Variants in CRACD observed in about 807,000 individuals in gnomAD.
CRACD encodes capping protein-inhibiting regulator of actin dynamics.
A neutral mutation model predicts 106.8 loss-of-function variants in CRACD; 56 were observed. The observed-to-expected ratio is 0.52, with a 90% CI of 0.42 to 0.66. CRACD has a LOEUF of 0.66. CRACD is among the 30% of genes least tolerant of loss of function. The probability of loss-of-function intolerance (pLI) is 0.00; values close to 1 mark genes in which losing one functional copy is unlikely to be tolerated. For missense variants in CRACD, 1,730 were observed against 1,623.2 expected (o/e 1.07, Z -1.13); for synonymous variants, 754 against 670.8 (o/e 1.12, Z -1.92).
At chr4:56,250,157 T>C (rs7690043) in intron 2 of CRACD, among the ~76,000 whole-genome samples, 43,893 of 152,060 alleles carry the variant, frequency 0.29, 6,936 homozygotes, top group East Asian at 0.63. Flanking sequence ...TTCTCTATAT[T>C]CCACTATTCT....
chr4:56,168,019 G>GGTTTTACTTCTTCCTTTCCAATCT (rs1736214541), intron 1 of CRACD, among the ~76,000 whole-genome samples: 1 of 152,084 alleles, frequency 6.6e-6, no homozygotes, highest in Non-Finnish European at 1.5e-5. Flanking sequence ...GTATAAAGAT[G>GGTTTTACTTCTTCCTTTCCAATCT]GTTTTACTTC....
At chr4:56,309,473 T>C (rs6855930) in intron 5 of CRACD, among the ~76,000 whole-genome samples, 260 of 152,224 alleles carry the variant, frequency 1.7e-3, no homozygotes, top group African/African-American at 5.9e-3. Context: ...TGCCAGCACT[T>C]TGTGAGGCTG....
At chr4:56,082,209 C>A (rs1733057506) in intron 1 of CRACD, among the ~76,000 whole-genome samples, 1 of 152,040 alleles carries the variant, frequency 6.6e-6, no homozygotes, top group Non-Finnish European at 1.5e-5. Flanking sequence ...TAATAAGGAA[C>A]CAACCATGCA....
intron 3 of CRACD, among the ~76,000 whole-genome samples, chr4:56,276,212 C>A (rs746994673): frequency 2.0e-5 from 3 of 152,104 alleles, no homozygotes; most frequent in Non-Finnish European, 2.9e-5. Flanking sequence ...TAATTAAACA[C>A]AACTAATATT....
chr4:56,145,783 A>AT lies in CRACD; in HGVS notation c.-335-33492dup, dbSNP rs534613962. Among the ~76,000 whole-genome samples, 18 of 150,786 alleles carry AT rather than the reference A, an allele frequency of 1.2e-4. No individual in the cohort carries two copies. In the East Asian group the frequency reaches 2.7e-3, roughly 23 times the overall value. ...AAGTGTGTGACTCCACACCCAGCTA[A>AT]TTTTTTTTTGTATTTTTTGTATTTG... On this transcript the variant is annotated intron_variant, in intron 1 of 10. Transcript: ENST00000682029.
intron 1 of CRACD, among the ~76,000 whole-genome samples, chr4:56,143,427 G>T (rs1735273024): frequency 6.6e-6 from 1 of 151,874 alleles, no homozygotes; most frequent in South Asian, 2.1e-4. Flanking sequence ...TTTTTCACAG[G>T]TCTTCTGTCT....
chr4:56,214,677 C>CTA (rs748365524), intron 2 of CRACD, among the ~76,000 whole-genome samples: 1,166 of 68,844 alleles, frequency 0.017, 37 homozygotes, highest in Middle Eastern at 0.026. Context: ...CTCTCTCTCT[C>CTA]TCTCTATATA....
intron 1 of CRACD, among the ~76,000 whole-genome samples, chr4:56,142,188 C>T (rs1166880499): frequency 2.6e-5 from 4 of 152,062 alleles, no homozygotes; most frequent in African/African-American, 9.7e-5. Context: ...TGGGATTATC[C>T]TACATTGATT....
At chr4:56,178,234 A>T (rs1736668637) in intron 1 of CRACD, among the ~76,000 whole-genome samples, 1 of 152,124 alleles carries the variant, frequency 6.6e-6, no homozygotes. Context: ...ATTTCTTTGC[A>T]TTTCCCTTCT....
intron 1 of CRACD, among the ~76,000 whole-genome samples, chr4:56,067,559 G>A (rs533840982): frequency 6.6e-6 from 1 of 152,282 alleles, no homozygotes; most frequent in East Asian, 1.9e-4. Context: ...CACTTCATTT[G>A]CATGACAAGT....
In CRACD at chr4:56,315,917, C is replaced by T. The variant is rs749876727; in HGVS notation, c.2415C>T (p.Tyr805=). The change falls in exon 8 of 11, where the codon TAC becomes TAT. Residue 805 remains tyrosine, a synonymous_variant. Transcript: ENST00000682029. This position sits in a 1 kb window ranked among gnomAD's most constrained non-coding sequence, Gnocchi z 4.1. ...CTTTCCTTGTCCCAAGCCTTCCTTA[C>T]CCTCCGCAGAAAGTGGTGGCCCACA... ...LPSFLVPSLP[Y]PPQKVVAHTE... is the part of the protein sequence containing the mutation. 2.0e-5 allele frequency: 32 copies of T among 1,614,106 alleles called. No homozygotes were observed. The highest frequency in any genetic ancestry group is 1.2e-4 in the African/African-American group (9 of 74,928).
chr4:56,325,954 C>T (rs1409271611), intron 10 of CRACD, among the ~76,000 whole-genome samples: 1 of 152,212 alleles, frequency 6.6e-6, no homozygotes, highest in Non-Finnish European at 1.5e-5. Context: ...CTCTGTTGCC[C>T]ATGCTGGAGT....
At chr4:56,111,434 T>C (rs1734118955) in intron 1 of CRACD, among the ~76,000 whole-genome samples, 1 of 152,194 alleles carries the variant, frequency 6.6e-6, no homozygotes, top group Admixed American at 6.5e-5. Context: ...TTAAACTGTG[T>C]GTTTATACGA....
At chr4:56,182,863 ATGTGTGTGTGTGTGTGTGTGTG>A (rs34291347) in intron 2 of CRACD, among the ~76,000 whole-genome samples, 1 of 144,724 alleles carries the variant, frequency 6.9e-6, no homozygotes, top group Non-Finnish European at 1.5e-5. Flanking sequence ...AAAAAAAGAT[ATGTGTGTGTGTGTGTGTGTGTG>A]TGTGTGTGTG....
At chr4:56,207,661 C>A (rs1398482333) in intron 2 of CRACD, among the ~76,000 whole-genome samples, 1 of 148,948 alleles carries the variant, frequency 6.7e-6, no homozygotes, top group Non-Finnish European at 1.5e-5. Context: ...TTCATAGAGG[C>A]TAAGCAAGGA....
chr4:56,054,239 G>C (rs996017233), intron 1 of CRACD, among the ~76,000 whole-genome samples: 1 of 152,180 alleles, frequency 6.6e-6, no homozygotes, highest in Non-Finnish European at 1.5e-5. Flanking sequence ...GGAGTGCAGT[G>C]ATGTAACCAT....
At chr4:56,237,730 A>G (rs952713312) in intron 2 of CRACD, among the ~76,000 whole-genome samples, 60 of 83,714 alleles carry the variant, frequency 7.2e-4, no homozygotes, top group Admixed American at 3.1e-3. Context: ...ATACACACAC[A>G]CACACACACA....
At chr4:56,167,208 C>T (rs968669541) in intron 1 of CRACD, among the ~76,000 whole-genome samples, 2 of 151,418 alleles carry the variant, frequency 1.3e-5, no homozygotes, top group African/African-American at 4.8e-5. Flanking sequence ...TCATTTTTTT[C>T]AAAAAAGCTG....
chr4:56,144,988 A>G (rs1393213407), intron 1 of CRACD, among the ~76,000 whole-genome samples: 1 of 152,100 alleles, frequency 6.6e-6, no homozygotes, highest in East Asian at 1.9e-4. Context: ...GGGTTTTGCC[A>G]TGTTGGCCAG....
Sources: gnomAD v4.1 joint callset for allele counts (sites outside exome capture counted in the v4.1 genomes callset) on GRCh38, gnomAD v4.1.1 for gene constraint, Gnocchi (gnomAD v3.1) non-coding constraint, MANE v1.5 for transcripts, NCBI Gene and HGNC (gene_info 2026-07-23, HGNC 2026-07-21) for gene names.